Variants in CFAP65 observed in about 807,000 individuals in gnomAD.
CFAP65 encodes cilia- and flagella-associated protein 65.
Under a neutral mutation model 208.0 loss-of-function variants are expected in CFAP65, and 155 were observed. The observed-to-expected ratio is 0.75, with a 90% CI of 0.65 to 0.85. CFAP65 has a LOEUF of 0.85. Among genes scored for constraint, CFAP65 ranks in the 40% least tolerant of loss-of-function variants. The probability of loss-of-function intolerance (pLI) is 0.00; values close to 1 mark genes in which losing one functional copy is unlikely to be tolerated. For synonymous variants in CFAP65, 970 were observed against 986.3 expected (o/e 0.98, Z 0.31); for missense variants, 2,294 against 2,451.3 (o/e 0.94, Z 1.36).
Position 219,016,198 on chromosome 2 carries a change from GC to G in CFAP65, c.3603-2155del, listed in dbSNP as rs1450333757. Among the ~76,000 whole-genome samples the G allele has an allele frequency of 2.6e-5, 4 of 151,840 alleles. No homozygotes were observed. The East Asian group carries it at 7.7e-4, about 29-fold the overall frequency. ...ATTTTATTGTGGATATTCAGCAGTG[GC>G]AAAATTGGAGACCTTGCTAGTTTGG... On this transcript the variant is annotated intron_variant, in intron 21 of 34. Coordinates refer to ENST00000341552, the MANE Select transcript of CFAP65 (RefSeq NM_194302.4).
chr2:219,009,519 C>T (rs1406054309), intron 27 of CFAP65, 59 bp from the exon 28 acceptor site: 19 of 1,165,872 alleles, frequency 1.6e-5, no homozygotes, highest in Non-Finnish European at 2.5e-5. Flanking sequence ...GATAGGATGG[C>T]ACGGAATAGG....
At chr2:219,006,593 G>A (rs1946010827) in intron 29 of CFAP65, 84 bp from the exon 30 acceptor site, 2 of 1,366,918 alleles carry the variant, frequency 1.5e-6, no homozygotes, top group Non-Finnish European at 2.1e-6. Flanking sequence ...CAGCACTTTG[G>A]AAGGCCAAGG....
At position 219,003,971 on chromosome 2, in the gene CFAP65, C is replaced by T. The variant is rs150073241; in HGVS notation, c.5536G>A (p.Glu1846Lys). The T allele has an allele frequency of 3.1e-4, 507 of 1,612,942 alleles. 2 individuals carry two copies. Among genetic ancestry groups the T allele is most frequent in the Non-Finnish European group, 4.0e-4 (467 of 1,179,394 alleles). Reference protein sequence around the residue: ...VMVKEEQEQDEKEAIRRLPAF... With the variant: ...VMVKEEQEQDKKEAIRRLPAF... Reference sequence around the variant, plus strand: ...GCTCACCTTCTGATGGCCTCCTTCTCGTCCTGTTCTTGCTCCTCCTTCACC... The same window carrying T: ...GCTCACCTTCTGATGGCCTCCTTCTTGTCCTGTTCTTGCTCCTCCTTCACC... The change falls in exon 33 of 35, where the codon GAG becomes AAG. Residue 1846 changes from glutamate to lysine, a missense_variant. By Grantham distance (56) the Glu-to-Lys change is moderately conservative. Coordinates refer to ENST00000341552, the MANE Select transcript of CFAP65 (RefSeq NM_194302.4). The surrounding 1 kb of genome is among the most constrained non-coding windows in gnomAD (Gnocchi z 4.4).
intron 4 of CFAP65, among the ~76,000 whole-genome samples, chr2:219,037,470 A>T (rs1948434689): frequency 1.3e-5 from 2 of 152,220 alleles, no homozygotes; most frequent in Admixed American, 1.3e-4. Context: ...GGAACCTGGG[A>T]GTTGGCAACA....
chr2:219,040,426 AT>A (rs1948598384), intron 2 of CFAP65, 92 bp downstream of exon 2: 4 of 765,416 alleles, frequency 5.2e-6, no homozygotes, highest in Non-Finnish European at 7.0e-6. Context: ...GGAGGGGACT[AT>A]CTAGATTCAG....
At position 219,006,201 on chromosome 2, in the gene CFAP65, T is replaced by A; in HGVS notation, c.4742A>T (p.Gln1581Leu). 2 of 1,608,252 alleles carry A rather than the reference T, an allele frequency of 1.2e-6. No homozygotes were observed. Among genetic ancestry groups the A allele is most frequent in the Non-Finnish European group, 1.7e-6 (2 of 1,175,602 alleles). Residue 1581 changes from glutamine to leucine, a missense_variant, in exon 31 of 35, where the codon CAG becomes CTG. Physicochemically the swap from Gln to Leu is moderately radical, Grantham distance 113 (BLOSUM62 -2). This residue lies in a region of CFAP65 where 1,427 missense variants were observed against 1,438.7 expected (regional missense o/e 0.99). Transcript: ENST00000341552. ...GCTGGCAGGCCGGCTGACAGACTGCTGGTTCTTGATGGGAGGCAGTGTCTT... is the reference window on the plus strand; with the variant it reads ...GCTGGCAGGCCGGCTGACAGACTGCAGGTTCTTGATGGGAGGCAGTGTCTT... ...KYKTLPPIKN[Q>L]QSVSRPASWK...
rs1188100873 is a variant in CFAP65 at position 219,021,987 on chromosome 2, C to T, written c.2980-57G>A. On this transcript the variant is annotated intron_variant, in intron 17 of 34. Transcript: ENST00000341552. ...GAGCTCCTCCAGGCCCACAGCCCCA[C>T]TCTCCCAGCCCCATTTTCAGAGCAT... 3 of 1,600,220 alleles carry T rather than the reference C, an allele frequency of 1.9e-6. No homozygotes were observed. The African/African-American group carries it at 4.0e-5, about 21-fold the overall frequency.
intron 21 of CFAP65, among the ~76,000 whole-genome samples, chr2:219,016,141 G>A (rs1251207608): frequency 6.6e-6 from 1 of 152,150 alleles, no homozygotes; most frequent in Non-Finnish European, 1.5e-5. Flanking sequence ...TATGTTGTCT[G>A]ACTTGTTACA....
chr2:219,039,181 G>T, intron 2 of CFAP65, 131 bp from the exon 3 acceptor site: 1 of 760,190 alleles, frequency 1.3e-6, no homozygotes. Flanking sequence ...CTATGTATAT[G>T]CCAGATGCTA....
In CFAP65 at chr2:219,027,919, G is replaced by A. The variant is rs1436560053; in HGVS notation, c.1942C>T (p.Pro648Ser). The change falls in exon 13 of 35, where the codon CCC (proline) becomes TCC (serine). Residue 648 changes from proline (P) to serine (S), a missense_variant. Transcript: ENST00000341552. ...ACAGGCTCTACACTGATGGGCGGGG[G>A]GAAGATGGTTATGTCGCTGGTGCCG... ...FDGTSDITIF[P>S]PPISVEPVEV... The A allele has an allele frequency of 2.0e-6, 3 of 1,525,152 alleles. No homozygotes were observed. The highest frequency in any genetic ancestry group is 8.8e-7 in the Non-Finnish European group (1 of 1,136,606). 94.5% of individuals were successfully genotyped at this position (1,525,152 alleles called of 1,614,324 possible). A position where few individuals can be genotyped will look rare whatever the true frequency, so the allele number is the denominator to read the frequency against.
Position 219,003,035 on chromosome 2 carries a change from A to G in CFAP65, c.5694-14T>C, listed in dbSNP as rs1261048304. The G allele has an allele frequency of 6.4e-7, 1 of 1,553,380 alleles. No homozygotes were observed. The highest frequency in any genetic ancestry group is 1.2e-5 in the South Asian group (1 of 84,190). On this transcript the variant is annotated splice_polypyrimidine_tract_variant and intron_variant, in intron 34 of 34. Coordinates refer to ENST00000341552, the MANE Select transcript of CFAP65 (RefSeq NM_194302.4). This position sits in a 1 kb window ranked among gnomAD's most constrained non-coding sequence, Gnocchi z 4.4. Reference sequence around the variant, plus strand: ...GGGGTCAGACTCCTGGAAGACAAAAAGTCCCAGGTAGGCGTGGGGGCGAGG... The same window carrying G: ...GGGGTCAGACTCCTGGAAGACAAAAGGTCCCAGGTAGGCGTGGGGGCGAGG...
Position 219,003,172 on chromosome 2 carries a change from G to A in CFAP65, c.5656C>T (p.Pro1886Ser). The A allele has an allele frequency of 6.5e-7, 1 of 1,546,360 alleles. No homozygotes were observed. ...AACGGCGGCAGGGCGATGACGCGTG[G>A]CCGCGAGGTGAGTACCACCTCCCCG... ...SRGEVVLTSR[P>S]RVIALPPFCV... Residue 1886 changes from proline to serine, a missense_variant, in exon 34 of 35, where the codon CCA becomes TCA. Around this residue, in one of 2 missense-constraint regions of CFAP65, gnomAD observed 1,427 missense variants for 1,438.7 expected, o/e 0.99. Coordinates refer to ENST00000341552, the MANE Select transcript of CFAP65 (RefSeq NM_194302.4). The surrounding 1 kb of genome is among the most constrained non-coding windows in gnomAD (Gnocchi z 4.4).
chr2:219,030,624 G>A lies in CFAP65; in HGVS notation c.1161+65C>T, dbSNP rs78069740. 1.7e-3 allele frequency: 2,616 copies of A among 1,576,094 alleles called. 47 individuals are homozygous for A. In the African/African-American group the frequency reaches 0.029, roughly 18 times the overall value. ...AGAAAGGGGGGGCATTCTGCAAGGCGGTGATTTTAGGAAATTCCAATCCTG... is the reference window on the plus strand; with the variant it reads ...AGAAAGGGGGGGCATTCTGCAAGGCAGTGATTTTAGGAAATTCCAATCCTG... On this transcript the variant is annotated intron_variant, in intron 9 of 34. Coordinates refer to ENST00000341552, the MANE Select transcript of CFAP65 (RefSeq NM_194302.4).
At chr2:219,015,269 GAGGAGAATGTGCGCAACACACACCTA>G (rs1156874704) in intron 21 of CFAP65, 1 of 148,934 alleles carries the variant, frequency 6.7e-6, no homozygotes, top group Non-Finnish European at 1.5e-5. Flanking sequence ...ACACACACCT[GAGGAGAATGTGCGCAACACACACCTA>G]AGGAGAACGC....
At position 219,003,400 on chromosome 2, in the gene CFAP65, C is replaced by T; in HGVS notation, c.5556-128G>A. 2.6e-6 allele frequency: 3 copies of T among 1,143,478 alleles called. No homozygotes were observed. The highest frequency in any genetic ancestry group is 2.4e-6 in the Non-Finnish European group (2 of 840,698). 70.8% of individuals were successfully genotyped at this position (1,143,478 alleles called of 1,614,324 possible). A position where few individuals can be genotyped will look rare whatever the true frequency, so the allele number is the denominator to read the frequency against. On this transcript the variant is annotated intron_variant, in intron 33 of 34. Coordinates refer to ENST00000341552, the MANE Select transcript of CFAP65 (RefSeq NM_194302.4). The surrounding 1 kb of genome is among the most constrained non-coding windows in gnomAD (Gnocchi z 4.4). ...CCCATTCGACTCCCCTCATCCACTA[C>T]ACTATGGGGCATTCTTGTTTCAATG...
chr2:219,021,374 A>G, intron 18 of CFAP65, 94 bp from the exon 19 acceptor site: 1 of 1,383,198 alleles, frequency 7.2e-7, no homozygotes, highest in Non-Finnish European at 9.5e-7. Flanking sequence ...GCACCAGGGG[A>G]GGACAGCAGG....
At chr2:219,010,216 G>T in intron 26 of CFAP65, 131 bp from the exon 27 acceptor site, 1 of 874,408 alleles carries the variant, frequency 1.1e-6, no homozygotes, top group Non-Finnish European at 1.7e-6. Context: ...ACTGTGCCTG[G>T]CCCTTTTGAC....
chr2:219,019,618 C>T lies in CFAP65; in HGVS notation c.3361G>A (p.Gly1121Ser), dbSNP rs1466267047. 1.2e-6 allele frequency: 2 copies of T among 1,613,716 alleles called. No homozygotes were observed. The highest frequency in any genetic ancestry group is 1.7e-6 in the Non-Finnish European group (2 of 1,180,026). Residue 1121 changes from glycine to serine, a missense_variant, in exon 20 of 35, where the codon GGT becomes AGT. By Grantham distance (56) the Gly-to-Ser change is moderately conservative (BLOSUM62 0). Transcript: ENST00000341552. Reference sequence around the variant, plus strand: ...CGCCACAGGTGCTTCCGGGTGATACCCTCAGCACTGCCCATGGAGCTGACA... The same window carrying T: ...CGCCACAGGTGCTTCCGGGTGATACTCTCAGCACTGCCCATGGAGCTGACA... Reference protein sequence around the residue: ...LDVSSMGSAEGITRKHLWRLF... With the variant: ...LDVSSMGSAESITRKHLWRLF...
chr2:219,009,791 T>G (rs1574533624), intron 27 of CFAP65, 151 bp downstream of exon 27: 6 of 144,070 alleles, frequency 4.2e-5, no homozygotes, highest in South Asian at 2.0e-4. Flanking sequence ...TGGGGTGGGA[T>G]AGGGTGGGAT....
Sources: gnomAD v4.1 joint callset for allele counts (sites outside exome capture counted in the v4.1 genomes callset) on GRCh38, gnomAD v4.1.1 for gene constraint, gnomAD v4.1.1 regional missense constraint, Gnocchi (gnomAD v3.1) non-coding constraint, MANE v1.5 for transcripts, NCBI Gene and HGNC (gene_info 2026-07-23, HGNC 2026-07-21) for gene names.